RNF125: variants seen among roughly 807,000 people sequenced by gnomAD.
RNF125 encodes E3 ubiquitin-protein ligase RNF125.
A neutral mutation model predicts 26.0 loss-of-function variants in RNF125; 21 were observed. The observed-to-expected ratio is 0.81, with a 90% CI of 0.57 to 1.16. The LOEUF (loss-of-function observed/expected upper bound fraction) is 1.16, where lower values mean the gene tolerates loss of function less well. Ranked by LOEUF, RNF125 falls within the 50% of genes most tolerant of loss-of-function variation. RNF125 has a pLI of 0.00. For synonymous variants in RNF125, 95 were observed against 109.2 expected, an observed-to-expected ratio of 0.87 and a Z score of 0.81; for missense variants, 270 against 299.4, an observed-to-expected ratio of 0.90 and a Z score of 0.72.
the RNF125 span, among the ~76,000 whole-genome samples, chr18:32,090,384 T>C: frequency 1.3e-5 from 2 of 152,240 alleles, no homozygotes; most frequent in Non-Finnish European, 2.9e-5. Flanking sequence ...CTCTTCCTCC[T>C]TCCAGGAAAT....
chr18:32,048,318 C>G (rs374090080), intron 4 of RNF125, among the ~76,000 whole-genome samples: 3 of 150,658 alleles, frequency 2.0e-5, no homozygotes, highest in Non-Finnish European at 4.4e-5. Flanking sequence ...CCCAGCTACT[C>G]GGGAGGCTGA....
intron 4 of RNF125, among the ~76,000 whole-genome samples, chr18:32,051,615 TAA>T (rs71177836): frequency 0.026 from 2,030 of 78,918 alleles, 56 homozygotes; most frequent in African/African-American, 0.089. Context: ...GACTCAGTCT[TAA>T]AAAAAAAAAA....
At chr18:32,060,382 A>G (rs1260394790) in intron 4 of RNF125, among the ~76,000 whole-genome samples, 1 of 152,204 alleles carries the variant, frequency 6.6e-6, no homozygotes, top group East Asian at 1.9e-4. Context: ...TAATATCACC[A>G]TGTCTAGTAA....
chr18:32,026,518 G>C (rs2039038143), intron 1 of RNF125, among the ~76,000 whole-genome samples: 1 of 151,980 alleles, frequency 6.6e-6, no homozygotes, highest in African/African-American at 2.4e-5. Flanking sequence ...GGGATTACAG[G>C]TGTGAACCAC....
Position 32,066,014 on chromosome 18 carries a change from G to A in RNF125, c.612+5G>A, listed in dbSNP as rs1025508927. ...TTGTTTTATGATGATTTCATAGTAA[G>A]TATATTTTCTTATTTTTACATTATG... On this transcript the variant is annotated splice_donor_5th_base_variant and intron_variant, in intron 5 of 5. Coordinates refer to ENST00000217740, the MANE Select transcript of RNF125 (RefSeq NM_017831.4). 3 of 1,521,150 alleles carry A rather than the reference G, an allele frequency of 2.0e-6. No individual in the cohort carries two copies. Among genetic ancestry groups the A allele is most frequent in the Non-Finnish European group, 2.7e-6 (3 of 1,097,000 alleles). 94.2% of individuals were successfully genotyped at this position (1,521,150 alleles called of 1,614,324 possible).
rs2039534091 is a variant in RNF125, at chr18:32,071,515, A to G, written c.*3131A>G. On this transcript the variant is annotated 3_prime_UTR_variant, in exon 6 of 6. Coordinates refer to ENST00000217740, the MANE Select transcript of RNF125 (RefSeq NM_017831.4). ...TTATGAATCCAGGGCATAGATTAGT[A>G]TCTCCATCTTGTAAGGATGCAAAGA... The G allele has an allele frequency of 1.3e-5, 2 of 152,306 alleles. No individual in the cohort carries two copies. Among genetic ancestry groups the G allele is most frequent in the Non-Finnish European group, 2.9e-5 (2 of 68,016 alleles). The allele number at this position is 152,306 out of a possible 1,614,324, so 9.4% of individuals were successfully genotyped here.
chr18:32,038,524 T>C (rs1287963334), intron 2 of RNF125, among the ~76,000 whole-genome samples: 1 of 150,784 alleles, frequency 6.6e-6, no homozygotes, highest in East Asian at 2.0e-4. Flanking sequence ...AGACCACTAA[T>C]GAATAGCTTT....
intron 5 of RNF125, among the ~76,000 whole-genome samples, chr18:32,066,420 C>T (rs899763124): frequency 6.6e-6 from 1 of 151,600 alleles, no homozygotes; most frequent in Admixed American, 6.6e-5. Context: ...GATCACACCA[C>T]TCCACTCCAG....
At chr18:32,060,262 G>A (rs890945610) in intron 4 of RNF125, among the ~76,000 whole-genome samples, 3 of 152,190 alleles carry the variant, frequency 2.0e-5, no homozygotes, top group Admixed American at 6.6e-5. Flanking sequence ...ATCAGGACAG[G>A]CAGATGTCCG....
intron 4 of RNF125, among the ~76,000 whole-genome samples, chr18:32,058,371 A>G (rs540878802): frequency 6.6e-6 from 1 of 150,978 alleles, no homozygotes; most frequent in Admixed American, 6.6e-5. Flanking sequence ...TTTGAGAGGG[A>G]GTCTCGTTCT....
the RNF125 span, among the ~76,000 whole-genome samples, chr18:32,085,609 G>A: frequency 1.4e-5 from 2 of 147,098 alleles, no homozygotes; most frequent in East Asian, 4.3e-4. Flanking sequence ...GCTGAGGCAG[G>A]AGAATCGCTT....
chr18:32,046,949 A>T (rs920428737), intron 4 of RNF125, among the ~76,000 whole-genome samples: 1 of 152,150 alleles, frequency 6.6e-6, no homozygotes, highest in Non-Finnish European at 1.5e-5. Context: ...GCTCACTGCA[A>T]CCTTGACCTC....
At chr18:32,025,705 C>T (rs2039028015) in intron 1 of RNF125, among the ~76,000 whole-genome samples, 1 of 150,032 alleles carries the variant, frequency 6.7e-6, no homozygotes, top group Non-Finnish European at 1.5e-5. Flanking sequence ...AGAGGACCCC[C>T]AAAGAGGGGC....
downstream of RNF125, among the ~76,000 whole-genome samples, chr18:32,074,693 C>T (rs1227821034): frequency 3.3e-5 from 5 of 152,114 alleles, no homozygotes; most frequent in Non-Finnish European, 5.9e-5. Flanking sequence ...CAGGCATGCA[C>T]CACCATGCCC....
intron 5 of RNF125, among the ~76,000 whole-genome samples, chr18:32,067,920 G>A (rs1005172532): frequency 6.6e-6 from 1 of 152,174 alleles, no homozygotes; most frequent in Non-Finnish European, 1.5e-5. Context: ...CCATTCAGTG[G>A]TACTGCTGGC....
At chr18:32,059,356 A>G (rs2039414877) in intron 4 of RNF125, among the ~76,000 whole-genome samples, 1 of 152,158 alleles carries the variant, frequency 6.6e-6, no homozygotes, top group Non-Finnish European at 1.5e-5. Context: ...TTTGATTTGC[A>G]TTTCTCTGAT....
intron 4 of RNF125, among the ~76,000 whole-genome samples, chr18:32,055,605 C>T (rs1042227142): frequency 2.0e-5 from 3 of 152,116 alleles, no homozygotes; most frequent in Admixed American, 6.6e-5. Flanking sequence ...TTTATGAGAA[C>T]AGCATGGGGG....
chr18:32,032,806 C>T (rs1287217060), intron 1 of RNF125, among the ~76,000 whole-genome samples: 1 of 151,974 alleles, frequency 6.6e-6, no homozygotes. Context: ...TTGCAGTGAG[C>T]CGAGATTGCG....
chr18:32,063,968 CTTT>C (rs747535447), intron 4 of RNF125, among the ~76,000 whole-genome samples: 1 of 140,086 alleles, frequency 7.1e-6, no homozygotes, highest in Non-Finnish European at 1.6e-5. Context: ...TGGTCTGTAT[CTTT>C]TTTTTTTTTT....
Sources: gnomAD v4.1 joint callset for allele counts (sites outside exome capture counted in the v4.1 genomes callset) on GRCh38, gnomAD v4.1.1 for gene constraint, MANE v1.5 for transcripts, NCBI Gene and HGNC (gene_info 2026-07-23, HGNC 2026-07-21) for gene names.